ZNF138: variants seen among roughly 807,000 people sequenced by gnomAD.
ZNF138 encodes zinc finger protein 138 (clone pHZ-32).
In ZNF138, 33 loss-of-function variants were observed where a neutral mutation model predicts 33.0. The observed-to-expected ratio is 1.00, with a 90% confidence interval of 0.76 to 1.34. The LOEUF is 1.34. Among genes scored for constraint, ZNF138 ranks in the 40% most tolerant of loss-of-function variants. The probability of loss-of-function intolerance (pLI) is 0.00; values close to 1 mark genes in which losing one functional copy is unlikely to be tolerated. For missense variants in ZNF138, 360 were observed against 370.8 expected (o/e 0.97, Z 0.24); for synonymous variants, 139 against 120.4 (o/e 1.15, Z -1.01).
the ZNF138 span, among the ~76,000 whole-genome samples, chr7:64,842,068 AT>A: frequency 1.3e-5 from 2 of 152,122 alleles, no homozygotes; most frequent in African/African-American, 4.8e-5. Context: ...ACACAGATTT[AT>A]TTATTTATTT....
chr7:64,826,239 T>C (rs1789604173), intron 3 of ZNF138, among the ~76,000 whole-genome samples: 1 of 152,224 alleles, frequency 6.6e-6, no homozygotes, highest in Non-Finnish European at 1.5e-5. Context: ...CCTTAATTTT[T>C]GTTTATTTTA....
chr7:64,845,495 C>T, the ZNF138 span, among the ~76,000 whole-genome samples: 2 of 152,206 alleles, frequency 1.3e-5, no homozygotes, highest in African/African-American at 4.8e-5. Flanking sequence ...TTTAAGGAAT[C>T]TCCACACTCT....
chr7:64,811,750 G>T (rs1788196836), intron 1 of ZNF138, among the ~76,000 whole-genome samples: 1 of 152,228 alleles, frequency 6.6e-6, no homozygotes, highest in Admixed American at 6.5e-5. Flanking sequence ...TGACAAGAGT[G>T]CTGAGTGTAA....
chr7:64,799,543 G>A (rs1306155466), intron 1 of ZNF138, among the ~76,000 whole-genome samples: 1 of 152,152 alleles, frequency 6.6e-6, no homozygotes, highest in Non-Finnish European at 1.5e-5. Flanking sequence ...GCAGTGTTTT[G>A]TAATTCTTGT....
At chr7:64,795,291 C>A (rs541282116) in intron 1 of ZNF138, among the ~76,000 whole-genome samples, 1 of 152,070 alleles carries the variant, frequency 6.6e-6, no homozygotes. Context: ...GGGACTGGAG[C>A]GACCTCAGTC....
intron 1 of ZNF138, among the ~76,000 whole-genome samples, chr7:64,796,243 A>G (rs998363570): frequency 6.6e-6 from 1 of 152,190 alleles, no homozygotes; most frequent in Non-Finnish European, 1.5e-5. Context: ...TGCAAAGTGA[A>G]ATGTACTTGG....
intron 1 of ZNF138, among the ~76,000 whole-genome samples, chr7:64,803,659 T>C (rs997054586): frequency 2.0e-5 from 3 of 152,228 alleles, no homozygotes; most frequent in African/African-American, 7.2e-5. Context: ...CAATATTTGC[T>C]TTGAATGAAT....
chr7:64,810,570 T>TAACATATGCTTA (rs56230127), intron 1 of ZNF138, among the ~76,000 whole-genome samples: 149,976 of 152,222 alleles, frequency 0.99, 73,920 homozygotes, highest in Non-Finnish European at 1. Context: ...AAATTGCTTA[T>TAACATATGCTTA]TAGTATATGT....
downstream of ZNF138, among the ~76,000 whole-genome samples, chr7:64,837,377 C>G (rs753820825): frequency 6.6e-6 from 1 of 152,146 alleles, no homozygotes; most frequent in African/African-American, 2.4e-5. Context: ...CTGGGCTGAG[C>G]GGTCCGGGCT....
Position 64,818,548 on chromosome 7 carries a change from G to A in ZNF138, c.208+2895G>A, listed in dbSNP as rs532614628. ...GGGCAGATCACGAGGCCAGGAGTTC[G>A]AGACCAGCCTGGCCAACATGGTGAA... On this transcript the variant is annotated intron_variant, in intron 3 of 3. Transcript: ENST00000307355. Among the ~76,000 whole-genome samples the A allele has an allele frequency of 2.6e-5, 4 of 151,950 alleles. No individual in the cohort carries two copies. In the South Asian group the frequency reaches 6.3e-4, roughly 24 times the overall value.
At chr7:64,826,327 T>A (rs990215700) in intron 3 of ZNF138, among the ~76,000 whole-genome samples, 13 of 152,210 alleles carry the variant, frequency 8.5e-5, no homozygotes, top group African/African-American at 2.9e-4. Context: ...TTGCCCAGGC[T>A]GGAGTGCAAT....
At chr7:64,803,447 A>C (rs1031768957) in intron 1 of ZNF138, among the ~76,000 whole-genome samples, 2 of 152,136 alleles carry the variant, frequency 1.3e-5, no homozygotes, top group Non-Finnish European at 2.9e-5. Flanking sequence ...ATCCAAGGTA[A>C]TTATTTAATA....
At chr7:64,836,210 A>C (rs1235443824), downstream of ZNF138, 1 of 151,994 alleles carries the variant, frequency 6.6e-6, no homozygotes, top group East Asian at 1.9e-4. Flanking sequence ...GGGGTGGATG[A>C]ATTTCTTGTA....
chr7:64,817,639 C>T (rs746357228), intron 3 of ZNF138, among the ~76,000 whole-genome samples: 1 of 147,944 alleles, frequency 6.8e-6, no homozygotes, highest in African/African-American at 2.5e-5. Context: ...CATGATGCCT[C>T]GCTCTCTGAT....
At chr7:64,797,074 A>C (rs916949763) in intron 1 of ZNF138, among the ~76,000 whole-genome samples, 3 of 152,172 alleles carry the variant, frequency 2.0e-5, no homozygotes, top group African/African-American at 7.2e-5. Context: ...AAAGAAAATG[A>C]ATACATTTCC....
At chr7:64,820,066 C>T (rs1788988814) in intron 3 of ZNF138, among the ~76,000 whole-genome samples, 2 of 16,742 alleles carry the variant, frequency 1.2e-4, no homozygotes, top group Admixed American at 1.0e-3. Context: ...GAGTGAGACT[C>T]TGTCCCCGCA....
intron 1 of ZNF138, among the ~76,000 whole-genome samples, chr7:64,809,790 C>T (rs1323709091): frequency 3.0e-4 from 41 of 137,450 alleles, no homozygotes; most frequent in African/African-American, 9.9e-4. Flanking sequence ...GGGTCGCGGC[C>T]GGGCAGAGGT....
At chr7:64,807,306 A>G (rs1787680712) in intron 1 of ZNF138, among the ~76,000 whole-genome samples, 2 of 152,096 alleles carry the variant, frequency 1.3e-5, no homozygotes, top group Admixed American at 6.6e-5. Context: ...GGTCTCCACA[A>G]CCTAGCTGGT....
chr7:64,859,230 T>G, the ZNF138 span, among the ~76,000 whole-genome samples: 1 of 152,090 alleles, frequency 6.6e-6, no homozygotes, highest in Non-Finnish European at 1.5e-5. Flanking sequence ...CTGGACAACT[T>G]TGTCATTTTT....
Sources: allele counts gnomAD v4.1 joint callset (sites outside exome capture counted in the v4.1 genomes callset), GRCh38; gene constraint gnomAD v4.1.1; transcripts MANE v1.5; gene names NCBI Gene and HGNC (gene_info 2026-07-23, HGNC 2026-07-21).